GMDS: variants seen among roughly 807,000 people sequenced by gnomAD.
GMDS encodes GDP-mannose 4,6 dehydratase.
GMDS carries 20 observed loss-of-function variants against 49.9 expected under a neutral mutation model. That is an observed-to-expected ratio of 0.40 (90% CI 0.28 to 0.58). The LOEUF (loss-of-function observed/expected upper bound fraction) is 0.58. GMDS is among the 20% of genes least tolerant of loss of function. The probability of loss-of-function intolerance (pLI) is 0.42; values close to 1 mark genes in which losing one functional copy is unlikely to be tolerated. For synonymous variants in GMDS, 177 were observed against 178.6 expected, an observed-to-expected ratio of 0.99 and a Z score of 0.07; for missense variants, 362 against 481.4, an observed-to-expected ratio of 0.75 and a Z score of 2.32.
chr6:1,841,229 C>G (rs1307211289), intron 7 of GMDS, among the ~76,000 whole-genome samples: 2 of 152,326 alleles, frequency 1.3e-5, no homozygotes, highest in South Asian at 4.1e-4. Context: ...CAAATGAACT[C>G]TCTCTCCTAG....
chr6:1,846,601 G>C (rs1019791309), intron 7 of GMDS, among the ~76,000 whole-genome samples: 1 of 152,180 alleles, frequency 6.6e-6, no homozygotes, highest in Non-Finnish European at 1.5e-5. Context: ...CATGGAAAGA[G>C]AAGCTATGCT....
chr6:2,180,951 A>G (rs1230293783), intron 1 of GMDS, among the ~76,000 whole-genome samples: 3 of 152,098 alleles, frequency 2.0e-5, no homozygotes, highest in Admixed American at 6.6e-5. Context: ...GCAGATCATG[A>G]GGTCAGGAGA....
At chr6:2,241,368 G>A (rs1448590008) in intron 1 of GMDS, among the ~76,000 whole-genome samples, 1 of 152,128 alleles carries the variant, frequency 6.6e-6, no homozygotes, top group African/African-American at 2.4e-5. Flanking sequence ...AGAATTTTAG[G>A]GACTATTGGA....
intron 7 of GMDS, among the ~76,000 whole-genome samples, chr6:1,916,903 A>C (rs1761433883): frequency 6.6e-6 from 1 of 151,730 alleles, no homozygotes; most frequent in Non-Finnish European, 1.5e-5. Context: ...TTTGAAGATA[A>C]GGATCAAATG....
At chr6:2,214,136 C>T (rs1296916736) in intron 1 of GMDS, among the ~76,000 whole-genome samples, 1 of 152,138 alleles carries the variant, frequency 6.6e-6, no homozygotes, top group African/African-American at 2.4e-5. Context: ...AACAATAGGA[C>T]AACAAGCTTC....
intron 9 of GMDS, among the ~76,000 whole-genome samples, chr6:1,715,509 A>G (rs1052962013): frequency 6.6e-6 from 1 of 152,188 alleles, no homozygotes; most frequent in Non-Finnish European, 1.5e-5. Context: ...TCACAATGCA[A>G]TGGGATAAGC....
At chr6:1,814,847 A>G (rs1184884944) in intron 7 of GMDS, among the ~76,000 whole-genome samples, 1 of 152,158 alleles carries the variant, frequency 6.6e-6, no homozygotes, top group African/African-American at 2.4e-5. Context: ...TTATTTCATG[A>G]TTCTGTAACA....
At chr6:1,696,904 T>C (rs1240142481) in intron 9 of GMDS, among the ~76,000 whole-genome samples, 1 of 152,240 alleles carries the variant, frequency 6.6e-6, no homozygotes, top group Admixed American at 6.5e-5. Flanking sequence ...TGTGGTTCTG[T>C]CACTTTTACC....
chr6:1,769,355 G>T (rs1768484612), intron 7 of GMDS, among the ~76,000 whole-genome samples: 1 of 152,194 alleles, frequency 6.6e-6, no homozygotes, highest in African/African-American at 2.4e-5. Flanking sequence ...AGGAAATAAA[G>T]AAAATGACAC....
chr6:2,038,753 T>C (rs1769460219), intron 4 of GMDS, among the ~76,000 whole-genome samples: 1 of 152,150 alleles, frequency 6.6e-6, no homozygotes, highest in Admixed American at 6.5e-5. Context: ...AAAATGAAAT[T>C]TGAAGTTAAA....
chr6:2,150,769 A>G (rs78143268), intron 1 of GMDS, among the ~76,000 whole-genome samples: 4,171 of 152,320 alleles, frequency 0.027, 195 homozygotes, highest in South Asian at 0.13. Flanking sequence ...CAGTAAATTT[A>G]AAAGTGCTTA....
At chr6:1,906,110 T>C (rs984819666) in intron 7 of GMDS, among the ~76,000 whole-genome samples, 106 of 152,328 alleles carry the variant, frequency 7.0e-4, no homozygotes, top group African/African-American at 2.5e-3. Context: ...CTGTAACTGT[T>C]AGCTTTGTTG....
intron 7 of GMDS, among the ~76,000 whole-genome samples, chr6:1,837,700 AGTTAAAGCGAAGGCAC>A (rs1446262026): frequency 6.6e-6 from 1 of 152,202 alleles, no homozygotes; most frequent in Admixed American, 6.5e-5. Flanking sequence ...GGGGCCAAAG[AGTTAAAGCGAAGGCAC>A]GATATTCTTT....
At chr6:1,875,967 G>A (rs1235163497) in intron 7 of GMDS, among the ~76,000 whole-genome samples, 6 of 148,826 alleles carry the variant, frequency 4.0e-5, no homozygotes, top group Non-Finnish European at 7.4e-5. Context: ...GCGGTGAGCC[G>A]AGATCGTGCC....
intron 6 of GMDS, among the ~76,000 whole-genome samples, chr6:1,958,260 C>G (rs1763751067): frequency 6.6e-6 from 1 of 151,872 alleles, no homozygotes; most frequent in Non-Finnish European, 1.5e-5. Context: ...ATGTTTTTCC[C>G]TATCCTGACC....
intron 1 of GMDS, among the ~76,000 whole-genome samples, chr6:2,244,478 C>T (rs1198105587): frequency 6.6e-6 from 1 of 152,050 alleles, no homozygotes; most frequent in Non-Finnish European, 1.5e-5. Context: ...AATATGTGGG[C>T]ACGATTACTT....
At chr6:1,907,112 T>C (rs1561880074) in intron 7 of GMDS, among the ~76,000 whole-genome samples, 1 of 152,228 alleles carries the variant, frequency 6.6e-6, no homozygotes, top group Admixed American at 6.5e-5. Flanking sequence ...GCACACACTC[T>C]AACATTATTT....
intron 1 of GMDS, among the ~76,000 whole-genome samples, chr6:2,239,946 G>A (rs1035143349): frequency 2.0e-5 from 3 of 152,106 alleles, no homozygotes; most frequent in Non-Finnish European, 2.9e-5. Flanking sequence ...TGGGAGGCCC[G>A]CCTCAGCCTC....
At chr6:1,705,911 G>C (rs567711977) in intron 9 of GMDS, among the ~76,000 whole-genome samples, 1 of 152,194 alleles carries the variant, frequency 6.6e-6, no homozygotes, top group Non-Finnish European at 1.5e-5. Flanking sequence ...CAATGAGAAG[G>C]GTGGCGGCGC....
Sources: gnomAD v4.1 joint callset for allele counts (sites outside exome capture counted in the v4.1 genomes callset) on GRCh38, gnomAD v4.1.1 for gene constraint, MANE v1.5 for transcripts, NCBI Gene and HGNC (gene_info 2026-07-23, HGNC 2026-07-21) for gene names.